NFIA: variants seen among roughly 807,000 people sequenced by gnomAD.
NFIA encodes the protein nuclear factor 1 A-type.
Under a neutral mutation model 62.8 loss-of-function variants are expected in NFIA, and 8 were observed. That is an observed-to-expected ratio of 0.13 (90% CI 0.07 to 0.23). The LOEUF is 0.23. Among genes scored for constraint, NFIA ranks in the 10% least tolerant of loss-of-function variants. The pLI is 1.00. For synonymous variants in NFIA, 235 were observed against 238.1 expected (o/e 0.99, Z 0.12); for missense variants, 410 against 642.1 (o/e 0.64, Z 3.91).
chr1:61,124,833 G>C (rs1280289806), intron 2 of NFIA: 1 of 152,152 alleles, frequency 6.6e-6, no homozygotes, highest in Admixed American at 6.6e-5. Flanking sequence ...AGGACGTGGT[G>C]GTGGATGGAA....
At chr1:61,302,391 T>C (rs1031111121) in intron 3 of NFIA, among the ~76,000 whole-genome samples, 3 of 152,190 alleles carry the variant, frequency 2.0e-5, no homozygotes, top group African/African-American at 4.8e-5. Flanking sequence ...CAGATTTATT[T>C]CATCAGAGAG....
At position 61,088,672 on chromosome 1, in the gene NFIA, A is replaced by G. The variant is rs1233924686; in HGVS notation, c.551A>G (p.His184Arg). 2 of 1,612,380 alleles carry G rather than the reference A, an allele frequency of 1.2e-6. No homozygotes were observed. Among genetic ancestry groups the G allele is most frequent in the Non-Finnish European group, 1.7e-6 (2 of 1,179,084 alleles). The change falls in exon 2 of 11, where the codon CAT becomes CGT. Residue 184 changes from histidine to arginine, a missense_variant. By Grantham distance (29) the His-to-Arg change is conservative. This residue lies in a region of NFIA where 298 missense variants were observed against 438.1 expected (regional missense o/e 0.68). Transcript: ENST00000403491. The surrounding 1 kb of genome is among the most constrained non-coding windows in gnomAD (Gnocchi z 4.5). ...GATTTATATTTGGCATACTTTGTGC[A>G]TGCAGCAGGTAAGTGCGATGGTGAG... ...ELDLYLAYFV[H>R]AADSSQSESP...
chr1:61,437,375 G>A (rs1667377197), intron 10 of NFIA, among the ~76,000 whole-genome samples: 1 of 152,076 alleles, frequency 6.6e-6, no homozygotes, highest in South Asian at 2.1e-4. Context: ...GGTACACAGA[G>A]AAACCCTGGA....
At chr1:61,413,275 A>G (rs1229895977) in intron 9 of NFIA, among the ~76,000 whole-genome samples, 1 of 152,340 alleles carries the variant, frequency 6.6e-6, no homozygotes, top group East Asian at 1.9e-4. Context: ...AGAACCTAAC[A>G]ATAATCTATG....
chr1:61,352,756 T>TACACACACACACAC (rs10544967), intron 5 of NFIA, among the ~76,000 whole-genome samples, 189 bp downstream of exon 5: 3 of 150,456 alleles, frequency 2.0e-5, no homozygotes, highest in African/African-American at 7.3e-5. Flanking sequence ...CAAGATTAAA[T>TACACACACACACAC]ACACACACAC....
At chr1:61,228,394 G>T (rs1441768350) in intron 2 of NFIA, among the ~76,000 whole-genome samples, 1 of 152,204 alleles carries the variant, frequency 6.6e-6, no homozygotes, top group Non-Finnish European at 1.5e-5. Flanking sequence ...TTTGCAGTCT[G>T]TCAGAGGAGC....
At chr1:61,083,260 C>T (rs1418199682) in intron 1 of NFIA, among the ~76,000 whole-genome samples, 1 of 152,060 alleles carries the variant, frequency 6.6e-6, no homozygotes, top group African/African-American at 2.4e-5. Context: ...GGGAGGGGGC[C>T]GCCGACGGAG....
In NFIA at chr1:61,185,828, G is replaced by A. The variant is rs540777148; in HGVS notation, c.560-91692G>A. 5.3e-5 allele frequency among the ~76,000 whole-genome samples: 8 copies of A among 151,978 alleles called. No individual in the cohort carries two copies. The South Asian group carries it at 1.7e-3, about 32-fold the overall frequency. The stretch of plus-strand genomic sequence containing the variant: ...TCGAATAATAGCCCTGTAAAAGAGT[G>A]TTCTGTCTAAAATTGTCCTTCCTGT... On this transcript the variant is annotated intron_variant, in intron 2 of 10. Coordinates refer to ENST00000403491, the MANE Select transcript of NFIA (RefSeq NM_001134673.4).
At chr1:61,233,339 C>T (rs333162) in intron 2 of NFIA, among the ~76,000 whole-genome samples, 10,971 of 152,250 alleles carry the variant, frequency 0.072, 497 homozygotes, top group East Asian at 0.16. Context: ...CTACTGAATA[C>T]CAGGTGATTC....
intron 2 of NFIA, among the ~76,000 whole-genome samples, chr1:61,117,127 CT>C (rs1020194212): frequency 2.6e-5 from 4 of 152,162 alleles, no homozygotes; most frequent in Admixed American, 1.3e-4. Context: ...CAATTTCACC[CT>C]CTCCAGCATG....
At chr1:61,414,104 TC>T (rs1420196194) in intron 9 of NFIA, among the ~76,000 whole-genome samples, 1 of 152,118 alleles carries the variant, frequency 6.6e-6, no homozygotes, top group East Asian at 1.9e-4. Flanking sequence ...TGCCTCAGCC[TC>T]CTGAGTAGCT....
intron 2 of NFIA, among the ~76,000 whole-genome samples, chr1:61,174,978 A>G (rs1406975901): frequency 1.3e-5 from 2 of 152,124 alleles, no homozygotes; most frequent in Non-Finnish European, 2.9e-5. Context: ...AGATTTTGGT[A>G]TTCTTGAAAA....
intron 4 of NFIA, among the ~76,000 whole-genome samples, chr1:61,343,161 T>G (rs1408958874): frequency 6.6e-6 from 1 of 152,190 alleles, no homozygotes; most frequent in Non-Finnish European, 1.5e-5. Flanking sequence ...GAGACAGCCT[T>G]TTCCTCTACA....
In NFIA at chr1:61,404,388, G is replaced by C. The variant is rs1665719137; in HGVS notation, c.1254+106G>C. 4.3e-6 allele frequency: 5 copies of C among 1,155,288 alleles called. No homozygotes were observed. The South Asian group carries it at 8.7e-5, about 20-fold the overall frequency. The allele number at this position is 1,155,288 out of a possible 1,614,324, so 71.6% of individuals were successfully genotyped here. A position where few individuals can be genotyped will look rare whatever the true frequency, so the allele number is the denominator to read the frequency against. On this transcript the variant is annotated intron_variant, in intron 8 of 10. Transcript: ENST00000403491. Reference sequence around the variant, plus strand: ...TGACGTTGTGCTCTAATGTTGTGCTGACTGACTGCAGGCAAATGTCATATT... The same window carrying C: ...TGACGTTGTGCTCTAATGTTGTGCTCACTGACTGCAGGCAAATGTCATATT...
rs116247463 is a variant in NFIA at position 61,383,342 on chromosome 1, G to C, written c.1052G>C (p.Arg351Pro). Residue 351 changes from arginine to proline, a missense_variant, in exon 7 of 11, where the codon CGA becomes CCA. This residue lies in a region of NFIA where 298 missense variants were observed against 438.1 expected (regional missense o/e 0.68). Transcript: ENST00000403491. ...SLGTAFTQHH[R>P]PVITGPRASP... ...GGAACGGCGTTCACACAGCATCACC[G>C]ACCTGTCATTACAGGACCCAGAGGT... 1 of 1,613,834 alleles carries C rather than the reference G, an allele frequency of 6.2e-7. No homozygotes were observed. The highest frequency in any genetic ancestry group is 8.5e-7 in the Non-Finnish European group (1 of 1,179,880).
chr1:61,155,325 G>A (rs1226973462), intron 2 of NFIA, among the ~76,000 whole-genome samples: 2 of 152,146 alleles, frequency 1.3e-5, no homozygotes, highest in African/African-American at 2.4e-5. Flanking sequence ...GCAATTCTAT[G>A]TTCCAAATGT....
chr1:61,223,724 C>T (rs1040568940), intron 2 of NFIA, among the ~76,000 whole-genome samples: 2 of 151,972 alleles, frequency 1.3e-5, no homozygotes, highest in African/African-American at 4.8e-5. Context: ...CTATCCTCCA[C>T]CTCTTCTCTG....
At chr1:61,284,408 C>A (rs1465669451) in intron 3 of NFIA, among the ~76,000 whole-genome samples, 1 of 152,164 alleles carries the variant, frequency 6.6e-6, no homozygotes, top group African/African-American at 2.4e-5. Context: ...GCAAAGGCTC[C>A]TCAGAAATGC....
chr1:61,361,968 G>C (rs1302688184), intron 6 of NFIA, among the ~76,000 whole-genome samples: 1 of 152,026 alleles, frequency 6.6e-6, no homozygotes, highest in Non-Finnish European at 1.5e-5. Context: ...GTGGATAAAC[G>C]TACATTTGGC....
Sources: gnomAD v4.1 joint callset for allele counts (sites outside exome capture counted in the v4.1 genomes callset) on GRCh38, gnomAD v4.1.1 for gene constraint, gnomAD v4.1.1 regional missense constraint, Gnocchi (gnomAD v3.1) non-coding constraint, MANE v1.5 for transcripts, NCBI Gene and HGNC (gene_info 2026-07-23, HGNC 2026-07-21) for gene names.